The following PREX2 variants were observed in gnomAD, a reference collection of about 807,000 sequenced individuals.
The protein encoded by PREX2 is phosphatidylinositol 3,4,5-trisphosphate-dependent Rac exchanger 2 protein.
Under a neutral mutation model 203.2 loss-of-function variants are expected in PREX2, and 107 were observed. That is an observed-to-expected ratio of 0.53 (90% CI 0.45 to 0.62). The LOEUF (loss-of-function observed/expected upper bound fraction) is 0.62. Among genes scored for constraint, PREX2 ranks in the 20% least tolerant of loss-of-function variants. The pLI is 0.00. For missense variants in PREX2, 1,777 were observed against 1,955.9 expected, an observed-to-expected ratio of 0.91 and a Z score of 1.72; for synonymous variants, 672 against 663.6, an observed-to-expected ratio of 1.01 and a Z score of -0.19.
intron 1 of PREX2, among the ~76,000 whole-genome samples, chr8:68,012,224 A>G (rs1425153095): frequency 6.6e-6 from 1 of 152,202 alleles, no homozygotes; most frequent in African/African-American, 2.4e-5. Flanking sequence ...AATACACTAT[A>G]ACAATGTGGT....
At position 68,134,271 on chromosome 8, in the gene PREX2, A is replaced by G. The variant is rs757345004; in HGVS notation, c.3979A>G (p.Asn1327Asp). 4 of 1,613,418 alleles carry G rather than the reference A, an allele frequency of 2.5e-6. No homozygotes were observed. Among genetic ancestry groups the G allele is most frequent in the Non-Finnish European group, 3.4e-6 (4 of 1,179,482 alleles). Residue 1327 changes from asparagine to aspartate, a missense_variant, in exon 32 of 40, where the codon AAC (asparagine) becomes GAC (aspartate). Coordinates refer to ENST00000288368, the MANE Select transcript of PREX2 (RefSeq NM_024870.4). ...LFHFQSLLSP[N>D]LTDEQAMLED... The stretch of plus-strand genomic sequence containing the variant: ...TCACTTTCAGTCACTTCTGTCACCA[A>G]ACTTGGTAAGGAAATCACATGACTC...
Position 68,122,360 on chromosome 8 carries a change from CTAATG to C in PREX2, c.3724+1318_3724+1322del, listed in dbSNP as rs1182332831. Among the ~76,000 whole-genome samples, 7 of 151,892 alleles carry C rather than the reference CTAATG, an allele frequency of 4.6e-5. 1 individual carries two copies. The Middle Eastern group carries it at 0.014, about 295-fold the overall frequency. The stretch of plus-strand genomic sequence containing the variant: ...CTTGGCTATATTTTTATTTTATGGC[CTAATG>C]TAATGTTTATCTGTGATACTTTATA... On this transcript the variant is annotated intron_variant, in intron 30 of 39. Transcript: ENST00000288368.
chr8:68,090,383 A>G (rs529414927), intron 19 of PREX2, among the ~76,000 whole-genome samples, 196 bp from the exon 20 acceptor site: 79 of 152,328 alleles, frequency 5.2e-4, no homozygotes, highest in Middle Eastern at 3.4e-3. Context: ...GAAATATTCT[A>G]TTGATCACAG....
chr8:68,002,811 G>A (rs185300377), intron 1 of PREX2, among the ~76,000 whole-genome samples: 3 of 152,270 alleles, frequency 2.0e-5, no homozygotes, highest in Admixed American at 2.0e-4. Flanking sequence ...GGAAAACAGA[G>A]TTTGTTGACC....
intron 1 of PREX2, among the ~76,000 whole-genome samples, chr8:67,962,631 G>A (rs1376311882): frequency 1.3e-5 from 2 of 149,868 alleles, no homozygotes; most frequent in African/African-American, 4.9e-5. Context: ...TTTTGAGATA[G>A]AGTCTTGCTC....
chr8:68,001,135 A>G (rs1361071300), intron 1 of PREX2, among the ~76,000 whole-genome samples: 1 of 152,242 alleles, frequency 6.6e-6, no homozygotes, highest in Non-Finnish European at 1.5e-5. Flanking sequence ...TTCACAGCCA[A>G]AGAAATTATC....
intron 1 of PREX2, among the ~76,000 whole-genome samples, chr8:68,017,246 C>T (rs576806817): frequency 1.5e-4 from 23 of 151,978 alleles, no homozygotes; most frequent in Non-Finnish European, 3.1e-4. Flanking sequence ...ATGGAGAGCC[C>T]GGACCTGAAC....
At chr8:68,191,587 C>G in intron 35 of PREX2, 135 bp from the exon 36 acceptor site, 1 of 624,886 alleles carries the variant, frequency 1.6e-6, no homozygotes, top group Non-Finnish European at 2.8e-6. Context: ...ATTTGTGCAA[C>G]CCCAACCTTC....
chr8:68,134,399 C>G, intron 32 of PREX2, 123 bp downstream of exon 32: 1 of 711,964 alleles, frequency 1.4e-6, no homozygotes, highest in Non-Finnish European at 2.3e-6. Context: ...GTGCATTCAG[C>G]TACTTTAAAA....
chr8:68,186,628 C>G (rs2129614536), intron 35 of PREX2, among the ~76,000 whole-genome samples: 1 of 152,218 alleles, frequency 6.6e-6, no homozygotes, highest in Admixed American at 6.5e-5. Flanking sequence ...ATTCTCCTGC[C>G]TCAGCCTCCT....
At chr8:68,056,088 C>G in intron 10 of PREX2, 114 bp downstream of exon 10, 1 of 1,066,412 alleles carries the variant, frequency 9.4e-7, no homozygotes, top group Non-Finnish European at 1.4e-6. Flanking sequence ...CTTTTGAAAA[C>G]TTCTTTACAG....
rs759522634 is a variant in PREX2, at chr8:68,217,711, G to A, written c.4700G>A (p.Arg1567Gln). Reference sequence around the variant, plus strand: ...ATCATGCAGGCTACAGATGTGATGCGGAAGCAGGTAGGTCTCATGCAGACT... The same window carrying A: ...ATCATGCAGGCTACAGATGTGATGCAGAAGCAGGTAGGTCTCATGCAGACT... ...RYIMQATDVM[R>Q]KQGARVQNTA... Residue 1567 changes from arginine to glutamine, a missense_variant, in exon 38 of 40, where the codon CGG becomes CAG. By Grantham distance (43) the Arg-to-Gln change is conservative. Coordinates refer to ENST00000288368, the MANE Select transcript of PREX2 (RefSeq NM_024870.4). 1.4e-5 allele frequency: 22 copies of A among 1,612,278 alleles called. No homozygotes were observed. Among genetic ancestry groups the A allele is most frequent in the Non-Finnish European group, 1.8e-5 (21 of 1,178,526 alleles).
chr8:68,022,151 AT>A lies in PREX2; in HGVS notation c.441+14del. On this transcript the variant is annotated intron_variant, in intron 4 of 39. Transcript: ENST00000288368. The stretch of plus-strand genomic sequence containing the variant: ...CGGACATTTCTTTTGGTAAGTGTAT[AT>A]TTATGTGTTACTGTATGTTGATATG... The A allele has an allele frequency of 7.8e-7, 1 of 1,281,440 alleles. No homozygotes were observed. The highest frequency in any genetic ancestry group is 1.1e-6 in the Non-Finnish European group (1 of 877,124). The allele number at this position is 1,281,440 out of a possible 1,614,324, so 79.4% of individuals were successfully genotyped here.
At chr8:68,014,220 A>G (rs982720099) in intron 1 of PREX2, among the ~76,000 whole-genome samples, 3 of 152,140 alleles carry the variant, frequency 2.0e-5, no homozygotes, top group African/African-American at 7.2e-5. Flanking sequence ...AATTTGTGAC[A>G]TTTTTAGCTT....
chr8:67,960,791 A>G (rs1005144531), intron 1 of PREX2, among the ~76,000 whole-genome samples: 3 of 152,044 alleles, frequency 2.0e-5, no homozygotes, highest in African/African-American at 7.2e-5. Context: ...GAGAACCGTA[A>G]TGATTTGGAC....
chr8:68,215,063 C>A (rs1222654705), intron 37 of PREX2, among the ~76,000 whole-genome samples: 1 of 152,152 alleles, frequency 6.6e-6, no homozygotes, highest in Non-Finnish European at 1.5e-5. Flanking sequence ...GGTTGCAAAT[C>A]ACACTTGGAG....
At chr8:68,105,470 A>C in intron 23 of PREX2, 1 of 1,152,818 alleles carries the variant, frequency 8.7e-7, no homozygotes, top group Non-Finnish European at 1.1e-6. Flanking sequence ...ATTGAGCTAC[A>C]AGTTGGAAAG....
chr8:68,113,504 A>C (rs552286338), intron 25 of PREX2, among the ~76,000 whole-genome samples: 49 of 152,346 alleles, frequency 3.2e-4, no homozygotes, highest in Admixed American at 1.0e-3. Flanking sequence ...CTTACAGGAC[A>C]TAAAAGTATC....
intron 6 of PREX2, among the ~76,000 whole-genome samples, chr8:68,037,901 G>A (rs1163483686): frequency 2.6e-5 from 4 of 152,040 alleles, no homozygotes; most frequent in South Asian, 2.1e-4. Flanking sequence ...TATTCTATAC[G>A]CTTGTGTATG....
Sources: allele counts gnomAD v4.1 joint callset (sites outside exome capture counted in the v4.1 genomes callset), GRCh38; gene constraint gnomAD v4.1.1; transcripts MANE v1.5; gene names NCBI Gene and HGNC (gene_info 2026-07-23, HGNC 2026-07-21).